The following CPED1 variants were observed in gnomAD, a reference collection of about 807,000 sequenced individuals.
CPED1 encodes cadherin-like and PC-esterase domain-containing protein 1.
CPED1 carries 114 observed loss-of-function variants against 128.2 expected under a neutral mutation model. The observed-to-expected ratio is 0.89, with a 90% CI of 0.76 to 1.04. The LOEUF (loss-of-function observed/expected upper bound fraction) is 1.04, where lower values mean the gene tolerates loss of function less well. CPED1 is among the 50% of genes least tolerant of loss of function. The pLI is 0.00. For synonymous variants in CPED1, 462 were observed against 426.7 expected (o/e 1.08, Z -1.02); for missense variants, 1,211 against 1,207.1 (o/e 1.00, Z -0.05).
intron 4 of CPED1, among the ~76,000 whole-genome samples, chr7:121,062,027 T>C (rs372235451): frequency 6.6e-6 from 1 of 152,166 alleles, no homozygotes; most frequent in East Asian, 1.9e-4. Context: ...AAAGATGAAC[T>C]TTGGAGGAAG....
chr7:121,250,697 C>T (rs1181187001), intron 18 of CPED1, among the ~76,000 whole-genome samples: 3 of 152,096 alleles, frequency 2.0e-5, no homozygotes, highest in Non-Finnish European at 4.4e-5. Context: ...CACCTCTATG[C>T]AAATAAACTA....
chr7:121,250,882 C>T (rs987402854), intron 18 of CPED1, among the ~76,000 whole-genome samples: 2 of 152,060 alleles, frequency 1.3e-5, no homozygotes, highest in Non-Finnish European at 2.9e-5. Context: ...AAATTCTACC[C>T]AAGGTACAAG....
chr7:121,012,742 A>G (rs918576769), intron 2 of CPED1, among the ~76,000 whole-genome samples: 2 of 152,218 alleles, frequency 1.3e-5, no homozygotes, highest in Non-Finnish European at 2.9e-5. Context: ...ACGTAATTCT[A>G]CTGACAAGCT....
At chr7:121,002,441 C>T (rs1326366464) in intron 2 of CPED1, among the ~76,000 whole-genome samples, 1 of 152,136 alleles carries the variant, frequency 6.6e-6, no homozygotes, top group Non-Finnish European at 1.5e-5. Context: ...CCCTTTACTC[C>T]CCTCTCTGTT....
chr7:121,127,287 T>G (rs1309316349), intron 10 of CPED1, 30 bp downstream of exon 10: 1 of 1,364,534 alleles, frequency 7.3e-7, no homozygotes, highest in East Asian at 2.4e-5. Flanking sequence ...CTGATAAATA[T>G]TTTTTCAAGT....
intron 5 of CPED1, among the ~76,000 whole-genome samples, chr7:121,074,985 A>C (rs1794085878): frequency 6.6e-6 from 1 of 152,088 alleles, no homozygotes; most frequent in African/African-American, 2.4e-5. Context: ...ATTTATTTTA[A>C]AATGGTGGGC....
At chr7:121,068,863 T>C in intron 5 of CPED1, among the ~76,000 whole-genome samples, 1 of 152,162 alleles carries the variant, frequency 6.6e-6, no homozygotes, top group Non-Finnish European at 1.5e-5. Context: ...AGGTATTGTA[T>C]TCTCTTTGAA....
intron 5 of CPED1, among the ~76,000 whole-genome samples, chr7:121,093,213 G>A (rs1017486848): frequency 2.6e-5 from 4 of 152,020 alleles, no homozygotes; most frequent in Admixed American, 2.0e-4. Flanking sequence ...CCCCACCGTA[G>A]GCATCATGGT....
At chr7:121,151,557 C>G (rs1026008247) in intron 16 of CPED1, among the ~76,000 whole-genome samples, 5 of 152,258 alleles carry the variant, frequency 3.3e-5, no homozygotes, top group Middle Eastern at 3.4e-3. Context: ...AAAGAATCAA[C>G]AATTGATATA....
intron 16 of CPED1, among the ~76,000 whole-genome samples, chr7:121,208,743 T>G (rs1797576583): frequency 6.6e-6 from 1 of 151,970 alleles, no homozygotes; most frequent in Non-Finnish European, 1.5e-5. Flanking sequence ...TGCATTCAAG[T>G]GAGTTTCACA....
At chr7:121,273,349 C>A (rs1042984567) in intron 22 of CPED1, among the ~76,000 whole-genome samples, 1 of 151,852 alleles carries the variant, frequency 6.6e-6, no homozygotes, top group Non-Finnish European at 1.5e-5. Context: ...TGGTGAAACC[C>A]CGTCTCTACT....
intron 16 of CPED1, among the ~76,000 whole-genome samples, chr7:121,200,650 T>G (rs1206051572): frequency 1.3e-5 from 2 of 152,102 alleles, no homozygotes; most frequent in Non-Finnish European, 1.5e-5. Context: ...ATTTTAAAGT[T>G]TTTTTAAAAA....
At chr7:121,148,722 T>C (rs1481517833) in intron 16 of CPED1, among the ~76,000 whole-genome samples, 6 of 152,128 alleles carry the variant, frequency 3.9e-5, no homozygotes, top group Admixed American at 3.9e-4. Flanking sequence ...GCCCCATAGA[T>C]TGTATTCCTG....
rs146690049 is a variant in CPED1, at chr7:121,183,182, C to A, written c.2055+41041C>A. Among the ~76,000 whole-genome samples, 3 of 152,266 alleles carry A rather than the reference C, an allele frequency of 2.0e-5. No individual in the cohort carries two copies. The South Asian group carries it at 6.2e-4, about 32-fold the overall frequency. On this transcript the variant is annotated intron_variant, in intron 16 of 22. Transcript: ENST00000310396. ...CTAGAAATCATTGGGCTTATGACAA[C>A]CCAATGGGCTTTATCCCTGAAGATG... is the stretch of plus-strand genomic sequence containing the variant.
chr7:121,129,165 T>C (rs1795584009), intron 11 of CPED1, among the ~76,000 whole-genome samples: 1 of 151,118 alleles, frequency 6.6e-6, no homozygotes, highest in African/African-American at 2.4e-5. Context: ...CCACCTAAGA[T>C]TTGTTCATAT....
chr7:121,125,984 C>G (rs1795494205), intron 9 of CPED1, 92 bp downstream of exon 9: 2 of 928,038 alleles, frequency 2.2e-6, no homozygotes, highest in Admixed American at 4.1e-5. Context: ...TCATAGTAAC[C>G]AATCAATAAA....
At chr7:121,132,363 C>T (rs1213043292) in intron 12 of CPED1, among the ~76,000 whole-genome samples, 1 of 151,910 alleles carries the variant, frequency 6.6e-6, no homozygotes, top group East Asian at 1.9e-4. Flanking sequence ...CCATCATTGT[C>T]CTTATCTTCT....
At chr7:121,184,919 G>A (rs1016563236) in intron 16 of CPED1, among the ~76,000 whole-genome samples, 1 of 152,128 alleles carries the variant, frequency 6.6e-6, no homozygotes, top group Non-Finnish European at 1.5e-5. Flanking sequence ...TTGTTGCTAT[G>A]TCTGGAACCA....
At chr7:121,076,945 A>G (rs1794141092) in intron 5 of CPED1, among the ~76,000 whole-genome samples, 1 of 152,136 alleles carries the variant, frequency 6.6e-6, no homozygotes, top group African/African-American at 2.4e-5. Flanking sequence ...AAAAATACTC[A>G]GGAGTCCCAT....
Sources: gnomAD v4.1 joint callset for allele counts (sites outside exome capture counted in the v4.1 genomes callset) on GRCh38, gnomAD v4.1.1 for gene constraint, MANE v1.5 for transcripts, NCBI Gene and HGNC (gene_info 2026-07-23, HGNC 2026-07-21) for gene names.